The following PTPRF variants were observed in gnomAD, a reference collection of about 807,000 sequenced individuals.
PTPRF encodes receptor-type tyrosine-protein phosphatase F.
In PTPRF, 59 loss-of-function variants were observed where a neutral mutation model predicts 201.8. That is an observed-to-expected ratio of 0.29 (90% CI 0.24 to 0.36). The LOEUF is 0.36. PTPRF is among the 10% of genes least tolerant of loss of function. The pLI is 1.00. For synonymous variants in PTPRF, 1,088 were observed against 1,089.7 expected (o/e 1.00, Z 0.03); for missense variants, 2,132 against 2,690.5 (o/e 0.79, Z 4.59).
chr1:43,577,877 G>T (rs930525284), intron 6 of PTPRF, among the ~76,000 whole-genome samples: 1 of 152,204 alleles, frequency 6.6e-6, no homozygotes. Flanking sequence ...GGGTGTGTCT[G>T]TCACAGACAG....
At chr1:43,572,693 C>T (rs1043988949) in intron 6 of PTPRF, among the ~76,000 whole-genome samples, 2 of 152,196 alleles carry the variant, frequency 1.3e-5, no homozygotes, top group Non-Finnish European at 2.9e-5. Flanking sequence ...TTACGCATCA[C>T]CGACAGTTTA....
intron 6 of PTPRF, among the ~76,000 whole-genome samples, chr1:43,572,562 C>T (rs1646647293): frequency 6.6e-6 from 1 of 152,226 alleles, no homozygotes; most frequent in African/African-American, 2.4e-5. Flanking sequence ...TGTTGCTGGC[C>T]TTATCCCATT....
At chr1:43,540,991 A>G (rs1194786124) in intron 2 of PTPRF, among the ~76,000 whole-genome samples, 3 of 152,244 alleles carry the variant, frequency 2.0e-5, no homozygotes, top group Non-Finnish European at 2.9e-5. Flanking sequence ...TGTCCAGGAC[A>G]TGACAAAAGG....
intron 5 of PTPRF, among the ~76,000 whole-genome samples, chr1:43,564,147 G>T (rs551197660): frequency 1.3e-5 from 2 of 152,220 alleles, no homozygotes; most frequent in Non-Finnish European, 1.5e-5. Flanking sequence ...ACTCAAAGCT[G>T]CGAAGGGAGA....
rs1426783279 is a variant in PTPRF, at chr1:43,539,828, A to C, written c.-46+1551A>C. ...GCTGATGGCATGTCTGGTGGGGTGC[A>C]GATGGGGTGTGCTATAGGACCTGAC... On this transcript the variant is annotated intron_variant, in intron 2 of 33. Transcript: ENST00000359947. Among the ~76,000 whole-genome samples, 3 of 152,288 alleles carry C rather than the reference A, an allele frequency of 2.0e-5. No individual in the cohort carries two copies. In the East Asian group the frequency reaches 5.8e-4, roughly 29 times the overall value.
intron 16 of PTPRF, among the ~76,000 whole-genome samples, chr1:43,604,645 G>A (rs746315274): frequency 1.3e-5 from 2 of 152,122 alleles, no homozygotes; most frequent in South Asian, 2.1e-4. Context: ...TTTTACACTC[G>A]CGTTTCTGGA....
At chr1:43,577,865 G>A (rs933595641) in intron 6 of PTPRF, among the ~76,000 whole-genome samples, 2 of 152,180 alleles carry the variant, frequency 1.3e-5, no homozygotes, top group South Asian at 2.1e-4. Context: ...GCCTGTGCCC[G>A]GGGGTGTGTC....
intron 3 of PTPRF, among the ~76,000 whole-genome samples, chr1:43,551,453 G>T (rs956171120): frequency 6.6e-6 from 1 of 152,152 alleles, no homozygotes; most frequent in African/African-American, 2.4e-5. Context: ...GCACGCTGGG[G>T]GGTTCTGGAC....
At position 43,553,713 on chromosome 1, in the gene PTPRF, G is replaced by T; in HGVS notation, c.237+76G>T. 1 of 1,608,904 alleles carries T rather than the reference G, an allele frequency of 6.2e-7. No individual in the cohort carries two copies. Among genetic ancestry groups the T allele is most frequent in the Non-Finnish European group, 8.5e-7 (1 of 1,176,744 alleles). On this transcript the variant is annotated intron_variant, in intron 4 of 33. Coordinates refer to ENST00000359947, the MANE Select transcript of PTPRF (RefSeq NM_002840.5). This position sits in a 1 kb window ranked among gnomAD's most constrained non-coding sequence, Gnocchi z 4.1. The stretch of plus-strand genomic sequence containing the variant: ...CTCTCCTTTCAGTGTCCCTCCTCAT[G>T]GACCTTTTGGAGGTGGGAGGACAAC...
rs748477086 is a variant in PTPRF, at chr1:43,605,182, C to T, written c.3136-8C>T. On this transcript the variant is annotated splice_polypyrimidine_tract_variant and splice_region_variant and intron_variant, in intron 17 of 33. Coordinates refer to ENST00000359947, the MANE Select transcript of PTPRF (RefSeq NM_002840.5). ...AAAGGCATTGATTGCCCCTCCCGTC[C>T]CCCACAGATTCTGTACAATGGGCAG... 74 of 1,590,092 alleles carry T rather than the reference C, an allele frequency of 4.7e-5. No homozygotes were observed. Among genetic ancestry groups the T allele is most frequent in the Middle Eastern group, 1.7e-4 (1 of 5,976 alleles).
chr1:43,581,751 C>T (rs1647704924), intron 7 of PTPRF, among the ~76,000 whole-genome samples: 1 of 152,254 alleles, frequency 6.6e-6, no homozygotes, highest in African/African-American at 2.4e-5. Flanking sequence ...TTCTGGCCTG[C>T]ACCCCGTCCC....
Position 43,612,084 on chromosome 1 carries a change from C to T in PTPRF, c.3974-1534C>T, listed in dbSNP as rs561720769. ...TAGGGAGATTGAGAAGGAGCAGCCA[C>T]AGCCAGACGAGAGCAGGAGCGCAGT... On this transcript the variant is annotated intron_variant, in intron 22 of 33. Coordinates refer to ENST00000359947, the MANE Select transcript of PTPRF (RefSeq NM_002840.5). Among the ~76,000 whole-genome samples the T allele has an allele frequency of 2.0e-5, 3 of 152,314 alleles. No homozygotes were observed. In the South Asian group the frequency reaches 6.2e-4, roughly 32 times the overall value.
At chr1:43,604,572 C>T (rs911792475) in intron 16 of PTPRF, among the ~76,000 whole-genome samples, 21 of 152,340 alleles carry the variant, frequency 1.4e-4, no homozygotes, top group Middle Eastern at 3.4e-3. Context: ...TGGCCACATG[C>T]TTCTCATGAC....
intron 3 of PTPRF, among the ~76,000 whole-genome samples, chr1:43,550,059 A>G (rs533951797): frequency 7.1e-4 from 102 of 144,662 alleles, no homozygotes; most frequent in Non-Finnish European, 9.8e-4. Context: ...GTGGAGGTGG[A>G]TTGGAGGGAA....
At chr1:43,621,774 C>T (rs1321722343) in intron 33 of PTPRF, among the ~76,000 whole-genome samples, 161 bp from the exon 34 acceptor site, 7 of 152,158 alleles carry the variant, frequency 4.6e-5, no homozygotes, top group African/African-American at 1.4e-4. Flanking sequence ...CCTTCAGAGG[C>T]TCTTTCAGGC....
chr1:43,533,767 C>G (rs958568744), intron 1 of PTPRF, among the ~76,000 whole-genome samples: 2 of 152,142 alleles, frequency 1.3e-5, no homozygotes, highest in Non-Finnish European at 2.9e-5. Flanking sequence ...CAGGGCCCTA[C>G]CCTCGAGAAG....
chr1:43,597,372 CTG>C (rs58313016), intron 11 of PTPRF, among the ~76,000 whole-genome samples: 1,542 of 152,172 alleles, frequency 0.01, 9 homozygotes, highest in Non-Finnish European at 0.018. Context: ...GTGAGAGACA[CTG>C]TGAGACACCA....
chr1:43,576,061 C>A, intron 6 of PTPRF: 1 of 754,214 alleles, frequency 1.3e-6, no homozygotes, highest in African/African-American at 1.8e-5. Context: ...GCTCCAGCAC[C>A]CCCAACACCA....
chr1:43,591,667 AG>A, intron 9 of PTPRF, 114 bp downstream of exon 9: 1 of 1,438,492 alleles, frequency 7.0e-7, no homozygotes, highest in South Asian at 1.4e-5. Context: ...GGGAGGATCA[AG>A]GTGCCGTATT....
Sources: allele counts gnomAD v4.1 joint callset (sites outside exome capture counted in the v4.1 genomes callset), GRCh38; gene constraint gnomAD v4.1.1; non-coding constraint Gnocchi (gnomAD v3.1); transcripts MANE v1.5; gene names NCBI Gene and HGNC (gene_info 2026-07-23, HGNC 2026-07-21).